Variants in B3GNT2 observed in about 807,000 individuals in gnomAD.
B3GNT2 encodes the protein UDP-GlcNAc:betaGal beta-1,3-N-acetylglucosaminyltransferase 2.
In B3GNT2, 12 loss-of-function variants were observed where a neutral mutation model predicts 27.6. The observed-to-expected ratio is 0.44, with a 90% CI of 0.28 to 0.71. The LOEUF is 0.71. Ranked by LOEUF, B3GNT2 falls within the 30% of genes least tolerant of loss-of-function variation. The probability of loss-of-function intolerance (pLI) is 0.17; values close to 1 mark genes in which losing one functional copy is unlikely to be tolerated. For synonymous variants in B3GNT2, 192 were observed against 189.7 expected (o/e 1.01, Z -0.10); for missense variants, 413 against 488.5 (o/e 0.85, Z 1.46).
chr2:62,216,718 A>C (rs1036318976), intron 1 of B3GNT2, among the ~76,000 whole-genome samples: 1 of 152,198 alleles, frequency 6.6e-6, no homozygotes, highest in Non-Finnish European at 1.5e-5. Flanking sequence ...GCTTCCGATT[A>C]ATAGAACGGT....
chr2:62,214,853 G>A (rs1445898430), intron 1 of B3GNT2, among the ~76,000 whole-genome samples: 2 of 151,964 alleles, frequency 1.3e-5, no homozygotes, highest in African/African-American at 4.8e-5. Flanking sequence ...AATGGATCTG[G>A]GACATCTCCA....
At chr2:62,205,205 AAG>A (rs1455211542) in intron 1 of B3GNT2, among the ~76,000 whole-genome samples, 2 of 152,226 alleles carry the variant, frequency 1.3e-5, no homozygotes, top group Non-Finnish European at 1.5e-5. Context: ...TGCTTGGTAA[AAG>A]AGGCCCAGTT....
At position 62,222,562 on chromosome 2, in the gene B3GNT2, CA is replaced by C; in HGVS notation, c.343del (p.Arg115AspfsTer9). ...TTACGGGTTTTAACAACTTGCCGGA[CA>C]GATTTAAAGACTTTCTGCTGTATTT... is the stretch of plus-strand genomic sequence containing the variant. Reference protein sequence around the residue: ...VVTGFNNLPDRFKDFLLYLRC... With the variant: ...VVTGFNNLPDXFKDFLLYLRC... On this transcript the variant is annotated frameshift_variant, in exon 2 of 2. Coordinates refer to ENST00000301998, the MANE Select transcript of B3GNT2 (RefSeq NM_006577.6). LOFTEE classifies it high-confidence loss of function. This position sits in a 1 kb window ranked among gnomAD's most constrained non-coding sequence, Gnocchi z 4.2. 6.2e-7 allele frequency: 1 copy of C among 1,614,188 alleles called. No individual in the cohort carries two copies. The highest frequency in any genetic ancestry group is 8.5e-7 in the Non-Finnish European group (1 of 1,180,038).
rs1035404971 is a variant in B3GNT2 at position 62,224,417 on chromosome 2, C to G, written c.*1003C>G. On this transcript the variant is annotated 3_prime_UTR_variant, in exon 2 of 2. Coordinates refer to ENST00000301998, the MANE Select transcript of B3GNT2 (RefSeq NM_006577.6). ...TTTATTTATTGTTCAGATCAAAGAC[C>G]AAAACATTTTCTTAAATATATTTTA... 6.0e-6 allele frequency: 1 copy of G among 166,882 alleles called. No homozygotes were observed. Among genetic ancestry groups the G allele is most frequent in the Non-Finnish European group, 1.5e-5 (1 of 68,086 alleles). The allele number at this position is 166,882 out of a possible 1,614,324, so 10.3% of individuals were successfully genotyped here.
At chr2:62,196,989 G>A (rs1035459956) in intron 1 of B3GNT2, among the ~76,000 whole-genome samples, 2 of 151,956 alleles carry the variant, frequency 1.3e-5, no homozygotes, top group Non-Finnish European at 2.9e-5. Flanking sequence ...CCCCAAAACT[G>A]GTTTCTGCCA....
chr2:62,206,514 T>G (rs1219909114), intron 1 of B3GNT2, among the ~76,000 whole-genome samples: 1 of 152,224 alleles, frequency 6.6e-6, no homozygotes, highest in Non-Finnish European at 1.5e-5. Flanking sequence ...TTTCTCTATT[T>G]TTTTTCCCTT....
At position 62,223,187 on chromosome 2, in the gene B3GNT2, A is replaced by T. The variant is rs1674755613; in HGVS notation, c.967A>T (p.Thr323Ser). Residue 323 changes from threonine to serine, a missense_variant, in exon 2 of 2, where the codon ACT (threonine) becomes TCT (serine). Thr to Ser is a moderately conservative substitution (Grantham distance 58). Transcript: ENST00000301998. ...CCTGGCCCTGAGGCTGTACCATATC[A>T]CTGACCAGGTCCATCTCTACCCCAT... The part of the protein sequence containing the change: ...GHLALRLYHI[T>S]DQVHLYPIDD... 1 of 1,614,032 alleles carries T rather than the reference A, an allele frequency of 6.2e-7. No homozygotes were observed. Among genetic ancestry groups the T allele is most frequent in the Non-Finnish European group, 8.5e-7 (1 of 1,180,020 alleles).
rs1389659316 is a variant in B3GNT2 at position 62,224,355 on chromosome 2, G to C, written c.*941G>C. On this transcript the variant is annotated 3_prime_UTR_variant, in exon 2 of 2. Coordinates refer to ENST00000301998, the MANE Select transcript of B3GNT2 (RefSeq NM_006577.6). ...GCTTATACAAGATTATTATTGAGTA[G>C]TAACTGCTTCCCTGTCTATGTAGAA... is the stretch of plus-strand genomic sequence containing the variant. 6.0e-6 allele frequency: 1 copy of C among 166,994 alleles called. No individual in the cohort carries two copies. The highest frequency in any genetic ancestry group is 1.5e-5 in the Non-Finnish European group (1 of 68,106). The allele number at this position is 166,994 out of a possible 1,614,324, so 10.3% of individuals were successfully genotyped here.
At chr2:62,215,252 T>C (rs1416315639) in intron 1 of B3GNT2, among the ~76,000 whole-genome samples, 1 of 152,158 alleles carries the variant, frequency 6.6e-6, no homozygotes, top group East Asian at 1.9e-4. Flanking sequence ...CCAAATTCCT[T>C]AAATCTAGCT....
In B3GNT2 at chr2:62,223,022, A is replaced by G. The variant is rs1674749778; in HGVS notation, c.802A>G (p.Lys268Glu). ...YLNSLSKTKA[K>E]DLFIGDVIHN... ...GAATAGTTTATCCAAGACCAAAGCCAAAGATCTCTTCATAGGTGATGTGAT... is the reference window on the plus strand; with the variant it reads ...GAATAGTTTATCCAAGACCAAAGCCGAAGATCTCTTCATAGGTGATGTGAT... Residue 268 changes from lysine to glutamate, a missense_variant, in exon 2 of 2, where the codon AAA (lysine) becomes GAA (glutamate). Physicochemically the swap from Lys to Glu is moderately conservative, Grantham distance 56. Transcript: ENST00000301998. The G allele has an allele frequency of 6.2e-7, 1 of 1,614,234 alleles. No individual in the cohort carries two copies. The highest frequency in any genetic ancestry group is 1.3e-5 in the African/African-American group (1 of 75,050).
intron 1 of B3GNT2, among the ~76,000 whole-genome samples, chr2:62,219,165 G>A (rs1016106026): frequency 6.6e-6 from 1 of 152,094 alleles, no homozygotes; most frequent in Non-Finnish European, 1.5e-5. Context: ...AATTAGCTCT[G>A]GAAGTTCACA....
chr2:62,219,655 A>G, intron 1 of B3GNT2, among the ~76,000 whole-genome samples: 1 of 152,186 alleles, frequency 6.6e-6, no homozygotes, highest in East Asian at 1.9e-4. Flanking sequence ...CAGACTAGGA[A>G]GGGCCTGAGA....
chr2:62,206,174 G>C (rs1386445158), intron 1 of B3GNT2, among the ~76,000 whole-genome samples: 1 of 152,098 alleles, frequency 6.6e-6, no homozygotes, highest in African/African-American at 2.4e-5. Context: ...TTTAGGGGTG[G>C]CCTGCCTGGA....
chr2:62,220,232 C>T (rs1483323153), intron 1 of B3GNT2, among the ~76,000 whole-genome samples: 1 of 152,242 alleles, frequency 6.6e-6, no homozygotes, highest in African/African-American at 2.4e-5. Flanking sequence ...CCGTGGTTAG[C>T]TTGGCCTATG....
chr2:62,216,950 G>A (rs1415221398), intron 1 of B3GNT2, among the ~76,000 whole-genome samples: 3 of 152,216 alleles, frequency 2.0e-5, no homozygotes, highest in East Asian at 1.9e-4. Flanking sequence ...CTGGGCGCAA[G>A]CCCTGACTCC....
At chr2:62,218,650 T>C (rs1423205903) in intron 1 of B3GNT2, among the ~76,000 whole-genome samples, 5 of 152,188 alleles carry the variant, frequency 3.3e-5, no homozygotes, top group Non-Finnish European at 7.3e-5. Flanking sequence ...GAGTCCTGGA[T>C]TGGGAGCCAG....
At chr2:62,196,695 A>T (rs1339291389) in intron 1 of B3GNT2, among the ~76,000 whole-genome samples, 4 of 152,008 alleles carry the variant, frequency 2.6e-5, no homozygotes, top group Admixed American at 6.5e-5. Flanking sequence ...GAGCCCGGGG[A>T]CCTTCCCCCT....
chr2:62,210,807 T>G (rs1426697835), intron 1 of B3GNT2, among the ~76,000 whole-genome samples: 1 of 152,138 alleles, frequency 6.6e-6, no homozygotes, highest in Non-Finnish European at 1.5e-5. Flanking sequence ...CAGTATTCAC[T>G]GTCAGTGTGG....
In B3GNT2 at chr2:62,223,219, C is replaced by T. The variant is rs1674756734; in HGVS notation, c.999C>T (p.Asp333=). Residue 333 remains aspartate, a synonymous_variant, in exon 2 of 2, where the codon GAC becomes GAT. Transcript: ENST00000301998. ...TDQVHLYPID[D]VYTGMCLQKL... ...AGGTCCATCTCTACCCCATTGATGA[C>T]GTTTATACTGGAATGTGCCTTCAGA... 3.7e-6 allele frequency: 6 copies of T among 1,614,036 alleles called. No homozygotes were observed. The highest frequency in any genetic ancestry group is 2.2e-5 in the East Asian group (1 of 44,894).
Sources: gnomAD v4.1 joint callset for allele counts (sites outside exome capture counted in the v4.1 genomes callset) on GRCh38, gnomAD v4.1.1 for gene constraint, Gnocchi (gnomAD v3.1) non-coding constraint, MANE v1.5 for transcripts, NCBI Gene and HGNC (gene_info 2026-07-23, HGNC 2026-07-21) for gene names.